IQCB1: variants seen among roughly 807,000 people sequenced by gnomAD.
IQCB1 encodes IQ motif containing B1.
IQCB1 carries 56 observed loss-of-function variants against 84.4 expected under a neutral mutation model. The ratio of observed to expected loss-of-function variants is 0.66; its 90% CI spans 0.54 to 0.83. The LOEUF is 0.83. Ranked by LOEUF, IQCB1 falls within the 40% of genes least tolerant of loss-of-function variation. The probability of loss-of-function intolerance (pLI) is 0.00; values close to 1 mark genes in which losing one functional copy is unlikely to be tolerated. For synonymous variants in IQCB1, 210 were observed against 234.8 expected (o/e 0.89, Z 0.96); for missense variants, 629 against 682.1 (o/e 0.92, Z 0.87).
intron 2 of IQCB1, among the ~76,000 whole-genome samples, chr3:121,830,076 C>T (rs71329242): frequency 6.9e-4 from 105 of 152,000 alleles, no homozygotes; most frequent in Non-Finnish European, 1.4e-3. Context: ...GGCATGGTGG[C>T]GCGTGCCTGT....
intron 2 of IQCB1, among the ~76,000 whole-genome samples, chr3:121,833,330 T>G (rs1559809238): frequency 6.6e-6 from 1 of 152,174 alleles, no homozygotes; most frequent in Non-Finnish European, 1.5e-5. Flanking sequence ...AAATACAGGT[T>G]GAAAGTATGA....
chr3:121,799,633 A>G (rs934725211), intron 7 of IQCB1, among the ~76,000 whole-genome samples: 1 of 151,928 alleles, frequency 6.6e-6, no homozygotes, highest in Non-Finnish European at 1.5e-5. Flanking sequence ...CCTTCTCCTT[A>G]GAGAAGCCTG....
chr3:121,788,285 G>A lies in IQCB1; in HGVS notation c.1277C>T (p.Ala426Val). ...EYKAAVTLQRAALKFLAKCRK... is the reference protein window; with the variant it reads ...EYKAAVTLQRVALKFLAKCRK... Reference sequence around the variant, plus strand: ...CTCTTTTCACTACATTAGACTCACTGCTCTTTGAAGTGTGACAGCTGCTTT... The same window carrying A: ...CTCTTTTCACTACATTAGACTCACTACTCTTTGAAGTGTGACAGCTGCTTT... Residue 426 changes from alanine to valine, a missense_variant and splice_region_variant, in exon 12 of 15, where the codon GCA becomes GTA. By Grantham distance (64) the Ala-to-Val change is moderately conservative. Coordinates refer to ENST00000310864, the MANE Select transcript of IQCB1 (RefSeq NM_001023570.4). 2 of 1,613,790 alleles carry A rather than the reference G, an allele frequency of 1.2e-6. No homozygotes were observed. Among genetic ancestry groups the A allele is most frequent in the Non-Finnish European group, 1.7e-6 (2 of 1,179,844 alleles).
At chr3:121,833,860 T>C (rs940458839) in intron 2 of IQCB1, 3 of 92,822 alleles carry the variant, frequency 3.2e-5, no homozygotes, top group African/African-American at 1.4e-4. Context: ...AGTGTAGAGC[T>C]GGGCCTTAAA....
intron 5 of IQCB1, among the ~76,000 whole-genome samples, chr3:121,813,702 C>T (rs1052305229): frequency 3.9e-5 from 6 of 152,168 alleles, no homozygotes; most frequent in African/African-American, 1.4e-4. Flanking sequence ...GTAAAGGGAT[C>T]AATGCAACAA....
intron 2 of IQCB1, among the ~76,000 whole-genome samples, chr3:121,830,855 A>G (rs1312615994): frequency 6.6e-6 from 1 of 152,206 alleles, no homozygotes; most frequent in Non-Finnish European, 1.5e-5. Context: ...CTTGCCCTAT[A>G]TCCTGGAAGG....
At chr3:121,782,375 A>G (rs1576545271) in intron 12 of IQCB1, among the ~76,000 whole-genome samples, 2 of 152,178 alleles carry the variant, frequency 1.3e-5, no homozygotes, top group African/African-American at 2.4e-5. Context: ...ATTCTTTCCA[A>G]TTGTTTTCAC....
chr3:121,824,928 T>A (rs1037681665), intron 5 of IQCB1, among the ~76,000 whole-genome samples: 1 of 152,214 alleles, frequency 6.6e-6, no homozygotes, highest in African/African-American at 2.4e-5. Flanking sequence ...CATTTGGGTA[T>A]ACAAGTAGTC....
intron 5 of IQCB1, among the ~76,000 whole-genome samples, chr3:121,823,045 C>T (rs1950330395): frequency 6.6e-6 from 1 of 151,972 alleles, no homozygotes; most frequent in Non-Finnish European, 1.5e-5. Flanking sequence ...ATATGGTAAA[C>T]AATCAATAAG....
chr3:121,782,061 T>C (rs1009675545), intron 12 of IQCB1, among the ~76,000 whole-genome samples, 187 bp from the exon 13 acceptor site: 3 of 152,196 alleles, frequency 2.0e-5, no homozygotes, highest in Admixed American at 2.0e-4. Context: ...TCTTCTGTAG[T>C]GCTTTTTACA....
intron 5 of IQCB1, among the ~76,000 whole-genome samples, chr3:121,825,551 C>T (rs760855944): frequency 1.3e-5 from 2 of 152,078 alleles, no homozygotes; most frequent in Admixed American, 6.5e-5. Context: ...AAGCAACACA[C>T]TTCTAAATCC....
intron 10 of IQCB1, among the ~76,000 whole-genome samples, chr3:121,790,807 A>G (rs1357160633): frequency 6.6e-6 from 1 of 152,198 alleles, no homozygotes; most frequent in Non-Finnish European, 1.5e-5. Flanking sequence ...AAAAACATTA[A>G]AATTTCAAGT....
chr3:121,781,202 T>A (rs1948474020), intron 13 of IQCB1, among the ~76,000 whole-genome samples: 1 of 152,066 alleles, frequency 6.6e-6, no homozygotes, highest in African/African-American at 2.4e-5. Flanking sequence ...TGGTCAAGAA[T>A]TCAGGTGGGA....
intron 2 of IQCB1, chr3:121,833,896 G>A (rs185162314): frequency 1.1e-4 from 17 of 152,036 alleles, no homozygotes; most frequent in African/African-American, 4.1e-4. Flanking sequence ...CTCTTATCAT[G>A]CTCCAGGAAT....
At chr3:121,815,258 T>C (rs913365099) in intron 5 of IQCB1, among the ~76,000 whole-genome samples, 1 of 152,138 alleles carries the variant, frequency 6.6e-6, no homozygotes, top group Non-Finnish European at 1.5e-5. Context: ...ATGGAACATA[T>C]CTCAAAACAA....
rs562723559 is a variant in IQCB1, at chr3:121,834,706, C to T, written c.-101-227G>A. Among the ~76,000 whole-genome samples the T allele has an allele frequency of 5.3e-4, 80 of 152,290 alleles. 1 individual carries two copies. The highest frequency in any genetic ancestry group is 9.4e-4 in the Non-Finnish European group (64 of 68,012). On this transcript the variant is annotated intron_variant, in intron 1 of 14. Coordinates refer to ENST00000310864, the MANE Select transcript of IQCB1 (RefSeq NM_001023570.4). Reference sequence around the variant, plus strand: ...GGACCGAGATTCTGGGGCCTCTGGGCTCCTTTACTCCAGATTCTAGACCCG... The same window carrying T: ...GGACCGAGATTCTGGGGCCTCTGGGTTCCTTTACTCCAGATTCTAGACCCG...
At chr3:121,805,319 A>G (rs1402550240) in intron 7 of IQCB1, among the ~76,000 whole-genome samples, 1 of 152,162 alleles carries the variant, frequency 6.6e-6, no homozygotes. Flanking sequence ...GTTATCAGTA[A>G]CTGCAAGAAA....
chr3:121,825,191 G>T (rs1481487457), intron 5 of IQCB1, among the ~76,000 whole-genome samples: 1 of 151,702 alleles, frequency 6.6e-6, no homozygotes, highest in Non-Finnish European at 1.5e-5. Flanking sequence ...CTCCCAAGTA[G>T]CTGGGATTAT....
intron 5 of IQCB1, among the ~76,000 whole-genome samples, chr3:121,820,226 C>T (rs557778064): frequency 6.6e-6 from 1 of 152,270 alleles, no homozygotes; most frequent in Admixed American, 6.5e-5. Context: ...ATGTACTAGA[C>T]ATCACTACTT....
Sources: allele counts gnomAD v4.1 joint callset (sites outside exome capture counted in the v4.1 genomes callset), GRCh38; gene constraint gnomAD v4.1.1; transcripts MANE v1.5; gene names NCBI Gene and HGNC (gene_info 2026-07-23, HGNC 2026-07-21).